The following GPLD1 variants were observed in gnomAD, a reference collection of about 807,000 sequenced individuals.
GPLD1 encodes the protein phosphatidylinositol-glycan-specific phospholipase D.
Under a neutral mutation model 112.6 loss-of-function variants are expected in GPLD1, and 84 were observed. The observed-to-expected ratio is 0.75, with a 90% confidence interval of 0.63 to 0.89. The LOEUF (loss-of-function observed/expected upper bound fraction) is 0.89. Ranked by LOEUF, GPLD1 falls within the 40% of genes least tolerant of loss-of-function variation. The probability of loss-of-function intolerance (pLI) is 0.00; values close to 1 mark genes in which losing one functional copy is unlikely to be tolerated. For missense variants in GPLD1, 1,044 were observed against 1,051.5 expected (o/e 0.99, Z 0.10); for synonymous variants, 386 against 403.8 (o/e 0.96, Z 0.53).
intron 11 of GPLD1, 34 bp from the exon 12 acceptor site, chr6:24,460,433 ACTG>A (rs1763398193): frequency 6.2e-7 from 1 of 1,607,402 alleles, no homozygotes; most frequent in African/African-American, 1.3e-5. Flanking sequence ...ACTGGTTACG[ACTG>A]AGAAAACAAC....
At chr6:24,443,417 T>C (rs575225088) in intron 20 of GPLD1, among the ~76,000 whole-genome samples, 46 of 152,292 alleles carry the variant, frequency 3.0e-4, no homozygotes, top group African/African-American at 1.0e-3. Flanking sequence ...ACACGGCACT[T>C]GGGGCGTGAC....
chr6:24,489,389 C>T, intron 1 of GPLD1, 26 bp downstream of exon 1: 1 of 1,470,786 alleles, frequency 6.8e-7, no homozygotes, highest in South Asian at 1.1e-5. Flanking sequence ...GTCCTCTCAA[C>T]AACATAACAA....
At chr6:24,472,125 A>T (rs1763845717) in intron 7 of GPLD1, among the ~76,000 whole-genome samples, 1 of 152,238 alleles carries the variant, frequency 6.6e-6, no homozygotes, top group Admixed American at 6.5e-5. Flanking sequence ...ACAGAAAAAT[A>T]GACTGAAAAC....
intron 24 of GPLD1, among the ~76,000 whole-genome samples, chr6:24,430,560 C>A (rs1370336971): frequency 2.6e-5 from 4 of 151,880 alleles, no homozygotes; most frequent in African/African-American, 9.7e-5. Flanking sequence ...TGGAAGGCAG[C>A]CCCATGAGAA....
intron 14 of GPLD1, 39 bp from the exon 15 acceptor site, chr6:24,449,938 C>A (rs761680058): frequency 6.9e-7 from 1 of 1,455,594 alleles, no homozygotes; most frequent in Non-Finnish European, 9.5e-7. Context: ...GGCTGAGCCA[C>A]GGCCTCGGAA....
intron 24 of GPLD1, among the ~76,000 whole-genome samples, chr6:24,429,761 T>G (rs926975174): frequency 3.9e-5 from 6 of 152,228 alleles, no homozygotes; most frequent in Non-Finnish European, 8.8e-5. Flanking sequence ...TTGGCCAGGC[T>G]GGTCTCGAAC....
At chr6:24,464,510 T>A (rs1251377115) in intron 10 of GPLD1, among the ~76,000 whole-genome samples, 1 of 152,234 alleles carries the variant, frequency 6.6e-6, no homozygotes, top group Middle Eastern at 3.2e-3. Flanking sequence ...AAGTTTATTA[T>A]GTACCAAGCT....
At chr6:24,471,213 A>G (rs536087145) in intron 7 of GPLD1, among the ~76,000 whole-genome samples, 1 of 152,302 alleles carries the variant, frequency 6.6e-6, no homozygotes, top group Non-Finnish European at 1.5e-5. Context: ...TTTATAACCC[A>G]AAGGGGGTGC....
chr6:24,487,866 A>C (rs979326828), intron 1 of GPLD1, among the ~76,000 whole-genome samples: 2 of 152,176 alleles, frequency 1.3e-5, no homozygotes, highest in African/African-American at 4.8e-5. Context: ...CAGGCCACTG[A>C]AAACTTAGCT....
chr6:24,448,323 T>C, intron 15 of GPLD1, 115 bp from the exon 16 acceptor site: 1 of 643,230 alleles, frequency 1.6e-6, no homozygotes, highest in Non-Finnish European at 2.8e-6. Context: ...CTGATGTCTA[T>C]AATCCCAGTG....
rs529064506 is a variant in GPLD1, at chr6:24,457,122, G to A, written c.1009-485C>T. On this transcript the variant is annotated intron_variant, in intron 12 of 24. Transcript: ENST00000230036. ...TGACCTTAAGCAATCTACCTGCCTC[G>A]GCTCCCCCAAAGTGCTGGGATTACA... Among the ~76,000 whole-genome samples the A allele has an allele frequency of 4.6e-5, 7 of 152,200 alleles. No homozygotes were observed. In the South Asian group the frequency reaches 1.0e-3, roughly 23 times the overall value.
chr6:24,428,940 A>T lies in GPLD1; in HGVS notation c.*92T>A. On this transcript the variant is annotated 3_prime_UTR_variant, in exon 25 of 25. Transcript: ENST00000230036. ...GTCTATCAGGATCTACCACCGCTCC[A>T]CTGGATGTGCCACTTTGTCCATCAA... 2 of 812,170 alleles carry T rather than the reference A, an allele frequency of 2.5e-6. No individual in the cohort carries two copies. The highest frequency in any genetic ancestry group is 4.0e-6 in the Non-Finnish European group (2 of 498,864). 50.3% of individuals were successfully genotyped at this position (812,170 alleles called of 1,614,324 possible).
At chr6:24,432,736 G>C (rs1400698999) in intron 24 of GPLD1, among the ~76,000 whole-genome samples, 1 of 152,212 alleles carries the variant, frequency 6.6e-6, no homozygotes, top group East Asian at 1.9e-4. Flanking sequence ...GCTTTGTGGG[G>C]CATCAGTCTC....
At chr6:24,435,313 T>C (rs371683976) in intron 22 of GPLD1, among the ~76,000 whole-genome samples, 1 of 152,112 alleles carries the variant, frequency 6.6e-6, no homozygotes, top group East Asian at 1.9e-4. Context: ...GCCCGGCCAA[T>C]TTCATAGCTT....
rs1581743103 is a variant in GPLD1, at chr6:24,446,703, C to T, written c.1820+135G>A. On this transcript the variant is annotated intron_variant, in intron 18 of 24. Transcript: ENST00000230036. ...CTAAGGAGGAGAATTTGCAATCTTG[C>T]CCAGAGCCTTGGCTTTTCCTTCAAA... 1.2e-5 allele frequency: 9 copies of T among 767,106 alleles called. No homozygotes were observed. In the East Asian group the frequency reaches 2.4e-4, roughly 21 times the overall value. The allele number at this position is 767,106 out of a possible 1,614,324, so 47.5% of individuals were successfully genotyped here. A position where few individuals can be genotyped will look rare whatever the true frequency, so the allele number is the denominator to read the frequency against.
intron 10 of GPLD1, among the ~76,000 whole-genome samples, chr6:24,463,645 A>G (rs1410593809): frequency 6.6e-6 from 1 of 152,254 alleles, no homozygotes; most frequent in Non-Finnish European, 1.5e-5. Flanking sequence ...TGAGGTGAGT[A>G]GAGTTCTTGG....
At chr6:24,471,796 T>G (rs1763832957) in intron 7 of GPLD1, among the ~76,000 whole-genome samples, 1 of 152,172 alleles carries the variant, frequency 6.6e-6, no homozygotes, top group African/African-American at 2.4e-5. Context: ...CATAGCTCAC[T>G]GAAGCCTCAA....
intron 24 of GPLD1, among the ~76,000 whole-genome samples, chr6:24,431,535 CTTT>C (rs59056170): frequency 3.6e-5 from 5 of 138,994 alleles, no homozygotes; most frequent in Admixed American, 7.3e-5. Flanking sequence ...TAAGGTTAAA[CTTT>C]TTTTTTTTTT....
At chr6:24,471,187 A>G (rs1442716530) in intron 7 of GPLD1, among the ~76,000 whole-genome samples, 1 of 152,196 alleles carries the variant, frequency 6.6e-6, no homozygotes, top group African/African-American at 2.4e-5. Flanking sequence ...ACCCATACAT[A>G]TACATAACAT....
Sources: allele counts gnomAD v4.1 joint callset (sites outside exome capture counted in the v4.1 genomes callset), GRCh38; gene constraint gnomAD v4.1.1; transcripts MANE v1.5; gene names NCBI Gene and HGNC (gene_info 2026-07-23, HGNC 2026-07-21).